The following PAK5 variants were observed in gnomAD, a reference collection of about 807,000 sequenced individuals.
PAK5 encodes serine/threonine-protein kinase PAK 5.
PAK5 carries 16 observed loss-of-function variants against 65.9 expected under a neutral mutation model. The observed-to-expected ratio is 0.24, with a 90% confidence interval of 0.16 to 0.37. The LOEUF is 0.37. Among genes scored for constraint, PAK5 ranks in the 10% least tolerant of loss-of-function variants. PAK5 has a pLI of 1.00. For missense variants in PAK5, 785 were observed against 903.9 expected, an observed-to-expected ratio of 0.87 and a Z score of 1.69; for synonymous variants, 371 against 354.9, an observed-to-expected ratio of 1.05 and a Z score of -0.51.
chr20:9,608,891 G>A (rs796075186), intron 3 of PAK5, among the ~76,000 whole-genome samples: 11 of 152,322 alleles, frequency 7.2e-5, no homozygotes, highest in African/African-American at 2.6e-4. Flanking sequence ...GATGCAGCTG[G>A]TGATGGCAAC....
In PAK5 at chr20:9,689,243, A is replaced by T. The variant is rs1015880588; in HGVS notation, c.-12+22043T>A. Among the ~76,000 whole-genome samples the T allele has an allele frequency of 2.6e-5, 4 of 152,150 alleles. No homozygotes were observed. In the South Asian group the frequency reaches 8.3e-4, roughly 32 times the overall value. ...TGGGAGGTTCTGTCTGCCACTTCTC[A>T]GTTCTCAAACTCTGCTTCAGAAAGA... On this transcript the variant is annotated intron_variant, in intron 2 of 9. Transcript: ENST00000353224.
chr20:9,662,618 G>A (rs1368342292), intron 2 of PAK5, among the ~76,000 whole-genome samples: 1 of 152,144 alleles, frequency 6.6e-6, no homozygotes, highest in Non-Finnish European at 1.5e-5. Flanking sequence ...GAAGGAGCCT[G>A]GATCCCTGAA....
chr20:9,608,914 A>G (rs534805760), intron 3 of PAK5, among the ~76,000 whole-genome samples: 6 of 152,366 alleles, frequency 3.9e-5, no homozygotes, highest in African/African-American at 1.4e-4. Flanking sequence ...GAATAAAAGA[A>G]GAGAAAAGGA....
intron 6 of PAK5, among the ~76,000 whole-genome samples, chr20:9,561,144 C>G (rs1392754779): frequency 1.3e-5 from 2 of 152,092 alleles, no homozygotes; most frequent in Non-Finnish European, 2.9e-5. Context: ...TTTTGTTTTG[C>G]CTCTGGAGTT....
At chr20:9,748,421 T>G (rs2048534134) in intron 1 of PAK5, among the ~76,000 whole-genome samples, 1 of 152,174 alleles carries the variant, frequency 6.6e-6, no homozygotes, top group African/African-American at 2.4e-5. Flanking sequence ...GGCATCATGC[T>G]ACCTGACTTC....
At chr20:9,586,062 T>C (rs966476194) in intron 3 of PAK5, among the ~76,000 whole-genome samples, 6 of 152,172 alleles carry the variant, frequency 3.9e-5, no homozygotes, top group Admixed American at 3.3e-4. Context: ...GATGCTACCA[T>C]CTTTGGGGTC....
In PAK5 at chr20:9,650,873, C is replaced by T. The variant is rs191577894; in HGVS notation, c.-11-6534G>A. On this transcript the variant is annotated intron_variant, in intron 2 of 9. Transcript: ENST00000353224. Reference sequence around the variant, plus strand: ...TCTTCATTAGCCATATGGAGACCCCCGTTTCTTGCATGTATTCCTTTATAA... The same window carrying T: ...TCTTCATTAGCCATATGGAGACCCCTGTTTCTTGCATGTATTCCTTTATAA... 1.9e-3 allele frequency among the ~76,000 whole-genome samples: 293 copies of T among 152,214 alleles called. 1 individual carries two copies. The highest frequency in any genetic ancestry group is 6.4e-3 in the African/African-American group (267 of 41,522).
chr20:9,756,412 C>G (rs1403316941), intron 1 of PAK5, among the ~76,000 whole-genome samples: 1 of 152,034 alleles, frequency 6.6e-6, no homozygotes, highest in Non-Finnish European at 1.5e-5. Flanking sequence ...CAGTAAATAG[C>G]AATGCAAACA....
intron 3 of PAK5, among the ~76,000 whole-genome samples, chr20:9,582,866 T>A (rs1351030895): frequency 6.6e-6 from 1 of 152,230 alleles, no homozygotes; most frequent in Non-Finnish European, 1.5e-5. Flanking sequence ...TTTGCCTTGT[T>A]GCTCAAATGG....
At chr20:9,750,166 T>G (rs2048558487) in intron 1 of PAK5, among the ~76,000 whole-genome samples, 1 of 152,066 alleles carries the variant, frequency 6.6e-6, no homozygotes. Flanking sequence ...AAATTACTAC[T>G]CTCTTGGTGG....
At chr20:9,780,050 A>T (rs2048926082) in intron 1 of PAK5, among the ~76,000 whole-genome samples, 1 of 152,124 alleles carries the variant, frequency 6.6e-6, no homozygotes, top group South Asian at 2.1e-4. Context: ...GAAGCTATTG[A>T]CATCACCAGA....
intron 2 of PAK5, among the ~76,000 whole-genome samples, chr20:9,702,549 A>T (rs971075009): frequency 6.6e-6 from 1 of 152,192 alleles, no homozygotes; most frequent in Non-Finnish European, 1.5e-5. Context: ...ATGAAACATG[A>T]ACATGAGCTG....
chr20:9,701,133 G>T (rs545501846), intron 2 of PAK5, among the ~76,000 whole-genome samples: 6 of 152,054 alleles, frequency 3.9e-5, no homozygotes, highest in Admixed American at 6.6e-5. Flanking sequence ...ACCCTGCTCC[G>T]CCCTTTGACG....
intron 2 of PAK5, among the ~76,000 whole-genome samples, chr20:9,682,995 A>G (rs1448235336): frequency 1.3e-5 from 2 of 152,266 alleles, no homozygotes; most frequent in African/African-American, 4.8e-5. Flanking sequence ...CTTAAAACTT[A>G]GCGCTTAAGT....
chr20:9,733,931 G>T (rs2048361225), intron 1 of PAK5, among the ~76,000 whole-genome samples: 1 of 152,170 alleles, frequency 6.6e-6, no homozygotes. Flanking sequence ...CAAACACAAT[G>T]ATCTGTGTGG....
chr20:9,754,053 T>C (rs1162937776), intron 1 of PAK5, among the ~76,000 whole-genome samples: 1 of 152,168 alleles, frequency 6.6e-6, no homozygotes, highest in Non-Finnish European at 1.5e-5. Context: ...CAAAGTTTGA[T>C]ACTTAAGACT....
chr20:9,560,611 C>T (rs565289816), intron 6 of PAK5, among the ~76,000 whole-genome samples: 3 of 152,320 alleles, frequency 2.0e-5, no homozygotes, highest in East Asian at 3.9e-4. Context: ...ATCCTCCTGC[C>T]TTGGTCTCCC....
chr20:9,605,697 G>C (rs2046440849), intron 3 of PAK5, among the ~76,000 whole-genome samples: 2 of 152,168 alleles, frequency 1.3e-5, no homozygotes, highest in Admixed American at 1.3e-4. Context: ...GTGAGGCCAA[G>C]GCAGGCGGAT....
chr20:9,817,390 G>T (rs1256546488), intron 1 of PAK5, among the ~76,000 whole-genome samples: 1 of 152,070 alleles, frequency 6.6e-6, no homozygotes, highest in African/African-American at 2.4e-5. Context: ...TGCTAAGCCC[G>T]ATTTATTCAT....
Sources: gnomAD v4.1 joint callset for allele counts (sites outside exome capture counted in the v4.1 genomes callset) on GRCh38, gnomAD v4.1.1 for gene constraint, MANE v1.5 for transcripts, NCBI Gene and HGNC (gene_info 2026-07-23, HGNC 2026-07-21) for gene names.